The following ANTXR2 variants were observed in gnomAD, a reference collection of about 807,000 sequenced individuals.
ANTXR2 encodes the protein anthrax toxin receptor 2.
ANTXR2 carries 44 observed loss-of-function variants against 73.7 expected under a neutral mutation model. The ratio of observed to expected loss-of-function variants is 0.60; its 90% CI spans 0.47 to 0.77. The LOEUF is 0.77. Ranked by LOEUF, ANTXR2 falls within the 30% of genes least tolerant of loss-of-function variation. ANTXR2 has a pLI of 0.00. For missense variants in ANTXR2, 604 were observed against 592.5 expected, an observed-to-expected ratio of 1.02 and a Z score of -0.20; for synonymous variants, 217 against 205.9, an observed-to-expected ratio of 1.05 and a Z score of -0.46.
chr4:79,915,458 T>G (rs68109261), intron 16 of ANTXR2, among the ~76,000 whole-genome samples: 4 of 152,120 alleles, frequency 2.6e-5, no homozygotes, highest in Non-Finnish European at 1.5e-5. Context: ...ATAACTGTTA[T>G]AGTATTATGC....
At chr4:79,939,548 C>CTCTCTT in intron 16 of ANTXR2, among the ~76,000 whole-genome samples, 1 of 1,026 alleles carries the variant, frequency 9.7e-4, no homozygotes, top group Non-Finnish European at 2.9e-3. Flanking sequence ...TTTGTCACCA[C>CTCTCTT]CAGGCCTGCC....
chr4:80,040,035 C>T (rs1337769609), intron 7 of ANTXR2, among the ~76,000 whole-genome samples: 4 of 151,902 alleles, frequency 2.6e-5, no homozygotes, highest in Non-Finnish European at 5.9e-5. Flanking sequence ...AAAGACTGCA[C>T]GTTCTCACTT....
rs1732942323 is a variant in ANTXR2, at chr4:80,036,039, AAG to A, written c.637-9_637-8del. 7.3e-6 allele frequency: 11 copies of A among 1,505,464 alleles called. No homozygotes were observed. Among genetic ancestry groups the A allele is most frequent in the Non-Finnish European group, 8.8e-6 (10 of 1,131,828 alleles). 93.3% of individuals were successfully genotyped at this position (1,505,464 alleles called of 1,614,324 possible). A position where few individuals can be genotyped will look rare whatever the true frequency, so the allele number is the denominator to read the frequency against. ...TACATGACTGAGCTAGTATCTAAAA[AAG>A]AAAAAAAAAAAAGATTACCAAGCTA... On this transcript the variant is annotated splice_region_variant and splice_polypyrimidine_tract_variant and intron_variant, in intron 7 of 16. Transcript: ENST00000403729.
intron 16 of ANTXR2, among the ~76,000 whole-genome samples, chr4:79,930,366 G>A (rs1407903935): frequency 6.6e-6 from 1 of 152,092 alleles, no homozygotes; most frequent in Non-Finnish European, 1.5e-5. Flanking sequence ...ACACAAGCTA[G>A]TACTCAAGGA....
chr4:79,961,369 T>C (rs1318738844), intron 16 of ANTXR2, among the ~76,000 whole-genome samples: 2 of 152,134 alleles, frequency 1.3e-5, no homozygotes, highest in African/African-American at 2.4e-5. Context: ...CAGCCATACG[T>C]TGAGCCTCAG....
intron 7 of ANTXR2, among the ~76,000 whole-genome samples, 178 bp downstream of exon 7, chr4:80,054,094 C>T (rs1389833154): frequency 6.6e-6 from 1 of 151,718 alleles, no homozygotes. Flanking sequence ...TACCAAATGT[C>T]AGTTACAAAC....
chr4:80,005,972 T>TCTCA (rs1315765978), intron 12 of ANTXR2, among the ~76,000 whole-genome samples: 2 of 152,106 alleles, frequency 1.3e-5, no homozygotes, highest in African/African-American at 4.8e-5. Context: ...GCACAGTAGG[T>TCTCA]CTCAGCCTAG....
intron 12 of ANTXR2, among the ~76,000 whole-genome samples, chr4:79,988,034 C>T (rs1437588979): frequency 6.6e-6 from 1 of 151,708 alleles, no homozygotes; most frequent in Non-Finnish European, 1.5e-5. Flanking sequence ...CACATTGGTA[C>T]TATAAAGCAA....
At chr4:80,055,673 T>C (rs1733963601) in intron 4 of ANTXR2, among the ~76,000 whole-genome samples, 1 of 151,930 alleles carries the variant, frequency 6.6e-6, no homozygotes. Context: ...ATTATATAGA[T>C]TTTTAGCTGT....
chr4:80,053,723 G>A (rs747770738), intron 7 of ANTXR2, among the ~76,000 whole-genome samples: 11 of 151,628 alleles, frequency 7.3e-5, no homozygotes, highest in Non-Finnish European at 1.3e-4. Flanking sequence ...CCCAAACCCT[G>A]TTTAGGATAG....
At chr4:80,015,075 C>G (rs1731775305) in intron 11 of ANTXR2, among the ~76,000 whole-genome samples, 1 of 152,112 alleles carries the variant, frequency 6.6e-6, no homozygotes. Context: ...CTAAATTGTC[C>G]CATTTTTCTT....
intron 16 of ANTXR2, among the ~76,000 whole-genome samples, chr4:79,960,111 G>A (rs543624974): frequency 6.6e-6 from 1 of 152,254 alleles, no homozygotes; most frequent in South Asian, 2.1e-4. Flanking sequence ...GCATGTGTCT[G>A]TGTGTATGTC....
intron 16 of ANTXR2, among the ~76,000 whole-genome samples, chr4:79,908,089 G>T (rs1010022186): frequency 6.6e-5 from 10 of 152,174 alleles, no homozygotes; most frequent in African/African-American, 2.4e-4. Flanking sequence ...CTTCTGTGAA[G>T]GTTGTGTGGA....
chr4:80,058,384 T>A (rs1734098501), intron 3 of ANTXR2, among the ~76,000 whole-genome samples: 1 of 152,036 alleles, frequency 6.6e-6, no homozygotes, highest in Admixed American at 6.6e-5. Context: ...AGCTGCATGA[T>A]CCTAAGAGGA....
At chr4:79,965,468 T>C (rs558436810) in intron 16 of ANTXR2, among the ~76,000 whole-genome samples, 3 of 152,186 alleles carry the variant, frequency 2.0e-5, no homozygotes, top group Non-Finnish European at 4.4e-5. Flanking sequence ...GTTCCATCCA[T>C]TTCTAACTAA....
rs4594664 is a variant in ANTXR2 at position 80,055,924 on chromosome 4, T to C, written c.378+8A>G. 1 of 1,507,012 alleles carries C rather than the reference T, an allele frequency of 6.6e-7. No individual in the cohort carries two copies. Among genetic ancestry groups the C allele is most frequent in the East Asian group, 2.4e-5 (1 of 40,838 alleles). 93.4% of individuals were successfully genotyped at this position (1,507,012 alleles called of 1,614,324 possible). ...CTCTCCCATATTTACAAATGTAAAA[T>C]AACTTACTAGCTTTAGTCCTTCATG... On this transcript the variant is annotated splice_region_variant and intron_variant, in intron 4 of 16. Coordinates refer to ENST00000403729, the MANE Select transcript of ANTXR2 (RefSeq NM_058172.6).
At chr4:79,937,982 C>A (rs1244075336) in intron 16 of ANTXR2, among the ~76,000 whole-genome samples, 3 of 110,900 alleles carry the variant, frequency 2.7e-5, no homozygotes, top group African/African-American at 1.1e-4. Context: ...CCTGGAAAAT[C>A]GGGTCACTCC....
intron 3 of ANTXR2, among the ~76,000 whole-genome samples, chr4:80,057,112 T>G (rs1203438125): frequency 1.3e-5 from 2 of 151,856 alleles, no homozygotes; most frequent in African/African-American, 4.8e-5. Flanking sequence ...TGATAAGAAG[T>G]GCCTTTTTAA....
intron 12 of ANTXR2, among the ~76,000 whole-genome samples, chr4:79,993,276 A>C (rs1302002509): frequency 6.6e-6 from 1 of 151,650 alleles, no homozygotes; most frequent in Admixed American, 6.6e-5. Context: ...AAAGAAAGAG[A>C]GGGAAGAAGG....
Sources: gnomAD v4.1 joint callset for allele counts (sites outside exome capture counted in the v4.1 genomes callset) on GRCh38, gnomAD v4.1.1 for gene constraint, MANE v1.5 for transcripts, NCBI Gene and HGNC (gene_info 2026-07-23, HGNC 2026-07-21) for gene names.